Variants in PGRMC2 observed in about 807,000 individuals in gnomAD.
PGRMC2 encodes the protein membrane-associated progesterone receptor component 2.
In PGRMC2, 9 loss-of-function variants were observed where a neutral mutation model predicts 19.3. That is an observed-to-expected ratio of 0.47 (90% CI 0.28 to 0.81). PGRMC2 has a LOEUF of 0.81. PGRMC2 is among the 40% of genes least tolerant of loss of function. PGRMC2 has a pLI of 0.11. For synonymous variants in PGRMC2, 157 were observed against 124.6 expected (o/e 1.26, Z -1.73); for missense variants, 289 against 297.3 (o/e 0.97, Z 0.21).
At position 128,270,580 on chromosome 4, in the gene PGRMC2, T is replaced by C. The variant is rs1032464769; in HGVS notation, c.*736A>G. The C allele has an allele frequency of 1.3e-5, 2 of 152,622 alleles. No homozygotes were observed. Among genetic ancestry groups the C allele is most frequent in the African/African-American group, 4.8e-5 (2 of 41,440 alleles). 9.5% of individuals were successfully genotyped at this position (152,622 alleles called of 1,614,324 possible). A position where few individuals can be genotyped will look rare whatever the true frequency, so the allele number is the denominator to read the frequency against. On this transcript the variant is annotated 3_prime_UTR_variant, in exon 3 of 3. Transcript: ENST00000296425. ...TTTCCCTAAAAATAATTCAAGTCTA[T>C]GTTAAGTGAAATAAGGCACAATTAA...
Position 128,271,429 on chromosome 4 carries a change from A to T in PGRMC2, c.575-16T>A. The T allele has an allele frequency of 1.5e-6, 2 of 1,374,660 alleles. No homozygotes were observed. Among genetic ancestry groups the T allele is most frequent in the Non-Finnish European group, 2.1e-6 (2 of 963,354 alleles). The allele number at this position is 1,374,660 out of a possible 1,614,324, so 85.2% of individuals were successfully genotyped here. A position where few individuals can be genotyped will look rare whatever the true frequency, so the allele number is the denominator to read the frequency against. ...TCATATTTTTCTGAAAGATACATCA[A>T]AAGAAAATCAGTGGTGATCAAATTT... On this transcript the variant is annotated splice_polypyrimidine_tract_variant and intron_variant, in intron 2 of 2. Transcript: ENST00000296425.
chr4:128,270,993 A>C lies in PGRMC2; in HGVS notation c.*323T>G, dbSNP rs1208373424. 5.3e-6 allele frequency: 1 copy of C among 186,926 alleles called. No homozygotes were observed. Among genetic ancestry groups the C allele is most frequent in the African/African-American group, 2.3e-5 (1 of 42,572 alleles). The allele number at this position is 186,926 out of a possible 1,614,324, so 11.6% of individuals were successfully genotyped here. A position where few individuals can be genotyped will look rare whatever the true frequency, so the allele number is the denominator to read the frequency against. On this transcript the variant is annotated 3_prime_UTR_variant, in exon 3 of 3. Coordinates refer to ENST00000296425, the MANE Select transcript of PGRMC2 (RefSeq NM_006320.6). ...CTTCAATATATTTTAAAAAGAAAGA[A>C]AGAGAAAGAAGAAAGGAAAGAAGGA... is the stretch of plus-strand genomic sequence containing the variant.
In PGRMC2 at chr4:128,287,485, G is replaced by C. The variant is rs754407598; in HGVS notation, c.306C>G (p.Asp102Glu). 1.2e-6 allele frequency: 2 copies of C among 1,613,692 alleles called. No individual in the cohort carries two copies. Among genetic ancestry groups the C allele is most frequent in the South Asian group, 1.1e-5 (1 of 91,038 alleles). The stretch of plus-strand genomic sequence containing the variant: ...ACTGGCGCAGCTGCTCCAAGCTGAA[G>C]TCCCGCTTCTTCATGCGAGGCAGAG... ...ATSLPRMKKR[D>E]FSLEQLRQYD... Residue 102 changes from aspartate (D) to glutamate (E), a missense_variant, in exon 1 of 3, where the codon GAC becomes GAG. Physicochemically the swap from Asp to Glu is conservative, Grantham distance 45. Coordinates refer to ENST00000296425, the MANE Select transcript of PGRMC2 (RefSeq NM_006320.6).
intron 1 of PGRMC2, among the ~76,000 whole-genome samples, chr4:128,277,011 G>T (rs977022665): frequency 2.6e-5 from 4 of 152,202 alleles, no homozygotes; most frequent in African/African-American, 9.6e-5. Context: ...CAAAAAATTA[G>T]TCGGGCATGG....
intron 1 of PGRMC2, among the ~76,000 whole-genome samples, chr4:128,278,444 C>T (rs184901967): frequency 2.6e-4 from 40 of 152,108 alleles, no homozygotes; most frequent in African/African-American, 8.0e-4. Flanking sequence ...CGGTGGTGGG[C>T]GCCTGTAATC....
At chr4:128,279,794 G>A (rs1760876758) in intron 1 of PGRMC2, among the ~76,000 whole-genome samples, 1 of 152,136 alleles carries the variant, frequency 6.6e-6, no homozygotes, top group Admixed American at 6.5e-5. Flanking sequence ...GGGGGGAAAG[G>A]AAGATATCCA....
At position 128,280,763 on chromosome 4, in the gene PGRMC2, A is replaced by G. The variant is rs28603264; in HGVS notation, c.418+6610T>C. Among the ~76,000 whole-genome samples, 212 of 152,138 alleles carry G rather than the reference A, an allele frequency of 1.4e-3. 1 individual carries two copies. The highest frequency in any genetic ancestry group is 5.0e-3 in the African/African-American group (206 of 41,504). ...CAGGTGCATGTCACTATGCCTAGCT[A>G]ATTTTTTATATTTTTGTAAGAGACA... On this transcript the variant is annotated intron_variant, in intron 1 of 2. Coordinates refer to ENST00000296425, the MANE Select transcript of PGRMC2 (RefSeq NM_006320.6).
Position 128,287,554 on chromosome 4 carries a change from A to AACCCCCCCC in PGRMC2, c.236_237insGGGGGGGGT (p.Gly79_Leu80insGlyGlyVal). ...CGCCCGCCCCGGCCCCGGCCCCCAG[A>AACCCCCCCC]CCCCGCCGCCCCCAGCGCACCCACA... On this transcript the variant is annotated inframe_insertion, in exon 1 of 3. Transcript: ENST00000296425. The AACCCCCCCC allele has an allele frequency of 2.2e-6, 2 of 924,834 alleles. No individual in the cohort carries two copies. The highest frequency in any genetic ancestry group is 3.0e-6 in the Non-Finnish European group (2 of 672,994). 57.3% of individuals were successfully genotyped at this position (924,834 alleles called of 1,614,324 possible).
intron 1 of PGRMC2, among the ~76,000 whole-genome samples, chr4:128,285,935 T>G (rs1023106998): frequency 6.6e-6 from 1 of 152,028 alleles, no homozygotes; most frequent in African/African-American, 2.4e-5. Flanking sequence ...GGATTAAATG[T>G]GTATATATAC....
chr4:128,270,964 T>C lies in PGRMC2; in HGVS notation c.*352A>G, dbSNP rs1404537237. On this transcript the variant is annotated 3_prime_UTR_variant, in exon 3 of 3. Coordinates refer to ENST00000296425, the MANE Select transcript of PGRMC2 (RefSeq NM_006320.6). ...ACTTGAGTAGCAAATACATATCTGGTTGTCTTCAATATATTTTAAAAAGAA... is the reference window on the plus strand; with the variant it reads ...ACTTGAGTAGCAAATACATATCTGGCTGTCTTCAATATATTTTAAAAAGAA... 1 of 169,996 alleles carries C rather than the reference T, an allele frequency of 5.9e-6. No individual in the cohort carries two copies. The highest frequency in any genetic ancestry group is 2.4e-5 in the African/African-American group (1 of 41,810). The allele number at this position is 169,996 out of a possible 1,614,324, so 10.5% of individuals were successfully genotyped here.
intron 1 of PGRMC2, among the ~76,000 whole-genome samples, chr4:128,279,900 G>A (rs987558934): frequency 3.9e-5 from 6 of 152,072 alleles, no homozygotes; most frequent in Admixed American, 3.9e-4. Context: ...ACTAGTTGTG[G>A]GAAGTAGACT....
chr4:128,270,835 GTACCCC>G lies in PGRMC2; in HGVS notation c.*475_*480del, dbSNP rs1760716392. ...TAGCCTGAACAACTCAAATTGATGT[GTACCCC>G]CACCTCCCCTGATCAGGTCGCCTCC... is the stretch of plus-strand genomic sequence containing the variant. On this transcript the variant is annotated 3_prime_UTR_variant, in exon 3 of 3. Coordinates refer to ENST00000296425, the MANE Select transcript of PGRMC2 (RefSeq NM_006320.6). 2 of 152,214 alleles carry G rather than the reference GTACCCC, an allele frequency of 1.3e-5. No homozygotes were observed. The highest frequency in any genetic ancestry group is 4.2e-4 in the South Asian group (2 of 4,818). The allele number at this position is 152,214 out of a possible 1,614,324, so 9.4% of individuals were successfully genotyped here.
chr4:128,271,472 T>G, intron 2 of PGRMC2, 59 bp from the exon 3 acceptor site: 1 of 822,100 alleles, frequency 1.2e-6, no homozygotes, highest in Non-Finnish European at 2.1e-6. Context: ...TATTCCATTA[T>G]ACAGAGAAAA....
At position 128,281,363 on chromosome 4, in the gene PGRMC2, AATG is replaced by A. The variant is rs568356880; in HGVS notation, c.418+6007_418+6009del. ...GGCAGCTTTTTCAAATTGACACTAA[AATG>A]ATGTTTGGCTAAAATTCTTATATTG... On this transcript the variant is annotated intron_variant, in intron 1 of 2. Transcript: ENST00000296425. 6.9e-4 allele frequency among the ~76,000 whole-genome samples: 105 copies of A among 152,338 alleles called. 1 individual carries two copies. Among genetic ancestry groups the A allele is most frequent in the Middle Eastern group, 3.4e-3 (1 of 294 alleles).
At chr4:128,287,075 C>G (rs1483051050) in intron 1 of PGRMC2, among the ~76,000 whole-genome samples, 1 of 143,524 alleles carries the variant, frequency 7.0e-6, no homozygotes, top group Non-Finnish European at 1.5e-5. Context: ...GCCAAAGAAA[C>G]AAAAAAAAAA....
At chr4:128,286,984 C>T (rs1760993172) in intron 1 of PGRMC2, 1 of 375,646 alleles carries the variant, frequency 2.7e-6, no homozygotes, top group Admixed American at 4.5e-5. Flanking sequence ...GGTGCCCCAT[C>T]CATCCCAGGA....
In PGRMC2 at chr4:128,272,386, G is replaced by C; in HGVS notation, c.550C>G (p.Arg184Gly). ...CCTTTAAACTGCATTTCCCATTCTCGAACACTCTCCATTTGTACTGCATTC... is the reference window on the plus strand; with the variant it reads ...CCTTTAAACTGCATTTCCCATTCTCCAACACTCTCCATTTGTACTGCATTC... ...DLNAVQMESV[R>G]EWEMQFKEKY... Residue 184 changes from arginine (R) to glycine (G), a missense_variant, in exon 2 of 3, where the codon CGA (arginine) becomes GGA (glycine). Physicochemically the swap from Arg to Gly is moderately radical, Grantham distance 125. Coordinates refer to ENST00000296425, the MANE Select transcript of PGRMC2 (RefSeq NM_006320.6). 1 of 1,517,342 alleles carries C rather than the reference G, an allele frequency of 6.6e-7. No homozygotes were observed. Among genetic ancestry groups the C allele is most frequent in the Non-Finnish European group, 8.8e-7 (1 of 1,136,812 alleles). 94.0% of individuals were successfully genotyped at this position (1,517,342 alleles called of 1,614,324 possible). A position where few individuals can be genotyped will look rare whatever the true frequency, so the allele number is the denominator to read the frequency against.
At position 128,271,061 on chromosome 4, in the gene PGRMC2, T is replaced by G; in HGVS notation, c.*255A>C. 3.2e-6 allele frequency: 1 copy of G among 309,530 alleles called. No homozygotes were observed. 19.2% of individuals were successfully genotyped at this position (309,530 alleles called of 1,614,324 possible). On this transcript the variant is annotated 3_prime_UTR_variant, in exon 3 of 3. Coordinates refer to ENST00000296425, the MANE Select transcript of PGRMC2 (RefSeq NM_006320.6). ...GTAATATTGTGACTTTCTTGCTCTTTAAAAAAATCCCTGTCTCCTTCTTTT... is the reference window on the plus strand; with the variant it reads ...GTAATATTGTGACTTTCTTGCTCTTGAAAAAAATCCCTGTCTCCTTCTTTT...
intron 1 of PGRMC2, among the ~76,000 whole-genome samples, chr4:128,284,521 A>G (rs1363036009): frequency 4.6e-5 from 7 of 152,238 alleles, no homozygotes; most frequent in African/African-American, 1.7e-4. Context: ...ATTGGCAAAT[A>G]CAGTTAATGC....
Sources: allele counts gnomAD v4.1 joint callset (sites outside exome capture counted in the v4.1 genomes callset), GRCh38; gene constraint gnomAD v4.1.1; transcripts MANE v1.5; gene names NCBI Gene and HGNC (gene_info 2026-07-23, HGNC 2026-07-21).